ADAMTS9: variants seen among roughly 807,000 people sequenced by gnomAD.
ADAMTS9 encodes ADAM metallopeptidase with thrombospondin type 1 motif 9.
A neutral mutation model predicts 257.1 loss-of-function variants in ADAMTS9; 107 were observed. The ratio of observed to expected loss-of-function variants is 0.42; its 90% CI spans 0.36 to 0.49. The LOEUF (loss-of-function observed/expected upper bound fraction) is 0.49, where lower values mean the gene tolerates loss of function less well. ADAMTS9 is among the 20% of genes least tolerant of loss of function. The probability of loss-of-function intolerance (pLI) is 0.03; values close to 1 mark genes in which losing one functional copy is unlikely to be tolerated. For missense variants in ADAMTS9, 2,353 were observed against 2,469.1 expected (o/e 0.95, Z 1.00); for synonymous variants, 982 against 880.9 (o/e 1.11, Z -2.03).
At chr3:64,584,846 CT>C (rs1293483449) in intron 28 of ADAMTS9, among the ~76,000 whole-genome samples, 1 of 152,084 alleles carries the variant, frequency 6.6e-6, no homozygotes, top group Non-Finnish European at 1.5e-5. Context: ...CTCTAAAACT[CT>C]TTTTTCCTCA....
intron 32 of ADAMTS9, among the ~76,000 whole-genome samples, chr3:64,542,396 C>T (rs1232928256): frequency 6.7e-6 from 1 of 149,970 alleles, no homozygotes; most frequent in Non-Finnish European, 1.5e-5. Context: ...AGTCGTTATA[C>T]ACTTTTGCCT....
intron 22 of ADAMTS9, 142 bp downstream of exon 22, chr3:64,613,203 T>C (rs1192459234): frequency 8.5e-6 from 8 of 945,972 alleles, no homozygotes; most frequent in Non-Finnish European, 9.2e-6. Context: ...GAGTTACATG[T>C]GCTTGATCCA....
chr3:64,522,488 T>A, intron 38 of ADAMTS9: 1 of 379,560 alleles, frequency 2.6e-6, no homozygotes, highest in Non-Finnish European at 4.7e-6. Context: ...AGGATGATTT[T>A]TATATTTTTA....
rs928968295 is a variant in ADAMTS9 at position 64,647,200 on chromosome 3, A to AT, written c.1710+739dup. Among the ~76,000 whole-genome samples the AT allele has an allele frequency of 5.2e-3, 777 of 150,118 alleles. 6 individuals carry two copies. The highest frequency in any genetic ancestry group is 0.017 in the African/African-American group (713 of 41,002). ...AGATAGAATGCCAATTTCCATGTGT[A>AT]TTTTTTTTTTAAATCAAGATTTATA... On this transcript the variant is annotated intron_variant, in intron 11 of 39. Transcript: ENST00000498707.
intron 30 of ADAMTS9, among the ~76,000 whole-genome samples, chr3:64,551,400 A>G (rs1014047778): frequency 6.6e-6 from 1 of 151,978 alleles, no homozygotes; most frequent in African/African-American, 2.4e-5. Flanking sequence ...TAGTAGAGAC[A>G]GGGTTTCACA....
chr3:64,531,244 G>A lies in ADAMTS9; in HGVS notation c.5718+1922C>T, dbSNP rs74532825. Among the ~76,000 whole-genome samples the A allele has an allele frequency of 1.0e-3, 155 of 152,214 alleles. 1 individual carries two copies. The highest frequency in any genetic ancestry group is 8.3e-3 in the East Asian group (43 of 5,174). On this transcript the variant is annotated intron_variant, in intron 38 of 39. Transcript: ENST00000498707. ...TTTTCCTGGAATGTCCCAATTGGAC[G>A]TTTCTCCTCTTTCTCAGGTGAGGGA...
chr3:64,537,684 C>T (rs887395998), intron 37 of ADAMTS9, among the ~76,000 whole-genome samples: 12 of 152,078 alleles, frequency 7.9e-5, no homozygotes, highest in Admixed American at 4.6e-4. Flanking sequence ...GGATTCTGAA[C>T]GCGTCACAGA....
intron 8 of ADAMTS9, among the ~76,000 whole-genome samples, chr3:64,653,783 G>A (rs78664430): frequency 6.6e-6 from 1 of 152,156 alleles, no homozygotes; most frequent in Admixed American, 6.5e-5. Flanking sequence ...AAAGGGAAAG[G>A]CCATTTCATA....
chr3:64,657,816 G>A (rs572398712), intron 4 of ADAMTS9, among the ~76,000 whole-genome samples: 6 of 152,222 alleles, frequency 3.9e-5, no homozygotes, highest in African/African-American at 1.4e-4. Flanking sequence ...GAAGGGGCCT[G>A]GAAGTCTGCA....
chr3:64,623,594 T>C (rs1218752311), intron 16 of ADAMTS9, among the ~76,000 whole-genome samples: 3 of 152,218 alleles, frequency 2.0e-5, no homozygotes, highest in Non-Finnish European at 4.4e-5. Context: ...TAAGCCACTA[T>C]GTCCTGAGAT....
At chr3:64,572,227 C>T (rs763132526) in intron 28 of ADAMTS9, among the ~76,000 whole-genome samples, 5 of 152,118 alleles carry the variant, frequency 3.3e-5, no homozygotes, top group Admixed American at 6.5e-5. Flanking sequence ...GGTATTCAGG[C>T]TTTTGTTTCT....
At position 64,602,040 on chromosome 3, in the gene ADAMTS9, G is replaced by T. The variant is rs1050688888; in HGVS notation, c.3921C>A (p.His1307Gln). Reference protein sequence around the residue: ...QRTPDSGLAQHPFQNEDYRPR... With the variant: ...QRTPDSGLAQQPFQNEDYRPR... ...GACGATAGTCCTCATTTTGGAAGGG[G>T]TGCTGAGCTAAGCCACTGTCTGGGG... is the stretch of plus-strand genomic sequence containing the variant. Residue 1307 changes from histidine to glutamine, a missense_variant, in exon 26 of 40, where the codon CAC (histidine) becomes CAA (glutamine). Physicochemically the swap from His to Gln is conservative, Grantham distance 24. Coordinates refer to ENST00000498707, the MANE Select transcript of ADAMTS9 (RefSeq NM_182920.2). 25 of 1,613,938 alleles carry T rather than the reference G, an allele frequency of 1.5e-5. No homozygotes were observed. Among genetic ancestry groups the T allele is most frequent in the Non-Finnish European group, 2.1e-5 (25 of 1,179,992 alleles).
intron 28 of ADAMTS9, among the ~76,000 whole-genome samples, chr3:64,574,590 G>A: frequency 6.7e-6 from 1 of 150,344 alleles, no homozygotes; most frequent in Admixed American, 6.6e-5. Flanking sequence ...AAAATTAGCT[G>A]GGCATGGTGA....
At chr3:64,550,156 C>T (rs2083252402) in intron 31 of ADAMTS9, 1 of 152,160 alleles carries the variant, frequency 6.6e-6, no homozygotes, top group South Asian at 2.1e-4. Context: ...GCTATGATTA[C>T]TACTGGTTTA....
intron 28 of ADAMTS9, among the ~76,000 whole-genome samples, chr3:64,585,088 G>A (rs185195964): frequency 3.3e-5 from 5 of 152,220 alleles, no homozygotes; most frequent in Admixed American, 3.3e-4. Context: ...TAGTTTGAGA[G>A]AGGCACCCAG....
chr3:64,517,301 G>GCATGAT (rs2082786638), intron 39 of ADAMTS9, among the ~76,000 whole-genome samples, 180 bp from the exon 40 acceptor site: 1 of 151,714 alleles, frequency 6.6e-6, no homozygotes, highest in Non-Finnish European at 1.5e-5. Context: ...GAGTGCAATG[G>GCATGAT]CATGATCATG....
Position 64,687,689 on chromosome 3 carries a change from A to AC in ADAMTS9, c.-33dup. ...TCCCACCCCTCCCTCCGCTGCCCCC[A>AC]CCCCCCTCCCTCCTGCCCTCCTTGG... is the stretch of plus-strand genomic sequence containing the variant. On this transcript the variant is annotated 5_prime_UTR_variant, in exon 1 of 40. Transcript: ENST00000498707. This position sits in a 1 kb window ranked among gnomAD's most constrained non-coding sequence, Gnocchi z 4.4. 8.0e-7 allele frequency: 1 copy of AC among 1,250,752 alleles called. No individual in the cohort carries two copies. The highest frequency in any genetic ancestry group is 1.0e-6 in the Non-Finnish European group (1 of 960,134). 77.5% of individuals were successfully genotyped at this position (1,250,752 alleles called of 1,614,324 possible).
intron 39 of ADAMTS9, chr3:64,521,368 G>C (rs1405045066): frequency 6.6e-6 from 1 of 152,154 alleles, no homozygotes; most frequent in East Asian, 1.9e-4. Context: ...TTCATCCTTT[G>C]TGAAAAGCAG....
At chr3:64,548,926 T>C (rs2083235758) in intron 31 of ADAMTS9, among the ~76,000 whole-genome samples, 1 of 152,246 alleles carries the variant, frequency 6.6e-6, no homozygotes, top group South Asian at 2.1e-4. Flanking sequence ...CAGGCCCTGC[T>C]AGAAAATGCA....
Sources: gnomAD v4.1 joint callset for allele counts (sites outside exome capture counted in the v4.1 genomes callset) on GRCh38, gnomAD v4.1.1 for gene constraint, Gnocchi (gnomAD v3.1) non-coding constraint, MANE v1.5 for transcripts, NCBI Gene and HGNC (gene_info 2026-07-23, HGNC 2026-07-21) for gene names.